The following CCDC88A variants were observed in gnomAD, a reference collection of about 807,000 sequenced individuals.
CCDC88A encodes coiled-coil and HOOK domain protein 88A, also known as girdin.
In CCDC88A, 54 loss-of-function variants were observed where a neutral mutation model predicts 234.3. The observed-to-expected ratio is 0.23, with a 90% CI of 0.19 to 0.29. CCDC88A has a LOEUF of 0.29. Ranked by LOEUF, CCDC88A falls within the 10% of genes least tolerant of loss-of-function variation. CCDC88A has a pLI of 1.00. For missense variants in CCDC88A, 1,832 were observed against 2,123.4 expected, an observed-to-expected ratio of 0.86 and a Z score of 2.70; for synonymous variants, 753 against 737.8, an observed-to-expected ratio of 1.02 and a Z score of -0.33.
chr2:55,298,188 A>G (rs1680422311), intron 29 of CCDC88A, among the ~76,000 whole-genome samples: 1 of 152,188 alleles, frequency 6.6e-6, no homozygotes, highest in Non-Finnish European at 1.5e-5. Flanking sequence ...GCAACTTTCC[A>G]TTGTTTCCCA....
chr2:55,304,030 G>A (rs1164580871), intron 25 of CCDC88A, among the ~76,000 whole-genome samples: 7 of 152,116 alleles, frequency 4.6e-5, no homozygotes, highest in Non-Finnish European at 1.0e-4. Flanking sequence ...TTAAGATTTC[G>A]AGGAATGGTA....
chr2:55,359,296 T>C (rs564650062), intron 7 of CCDC88A, among the ~76,000 whole-genome samples: 1 of 152,072 alleles, frequency 6.6e-6, no homozygotes, highest in East Asian at 1.9e-4. Context: ...TTGAACTTAG[T>C]AGGTGGTGAA....
intron 2 of CCDC88A, among the ~76,000 whole-genome samples, chr2:55,399,319 G>C (rs1306767375): frequency 6.6e-6 from 1 of 151,974 alleles, no homozygotes; most frequent in African/African-American, 2.4e-5. Flanking sequence ...GAGGTCAGGA[G>C]TTCAAGACCA....
At position 55,419,242 on chromosome 2, in the gene CCDC88A, CCA is replaced by C. The variant is rs1191026502; in HGVS notation, c.-165_-164del. ...GCACTCTCCCTCCTCAAAAAACACC[CCA>C]GAGTGAAACGAGCCGAAATCCCAAG... On this transcript the variant is annotated 5_prime_UTR_variant, in exon 1 of 33. The change abolishes the stop of an existing upstream ORF in the 5' untranslated region. Transcript: ENST00000436346. The C allele has an allele frequency of 1.7e-6, 1 of 596,370 alleles. No individual in the cohort carries two copies. 36.9% of individuals were successfully genotyped at this position (596,370 alleles called of 1,614,324 possible). A position where few individuals can be genotyped will look rare whatever the true frequency, so the allele number is the denominator to read the frequency against.
chr2:55,419,095 T>G lies in CCDC88A; in HGVS notation c.-16A>C. On this transcript the variant is annotated 5_prime_UTR_variant, in exon 1 of 33. Coordinates refer to ENST00000436346, the MANE Select transcript of CCDC88A (RefSeq NM_001365480.1). ...CGTTCTCCATTTTACAGAGTATGTA[T>G]TTGAAAAAAGGAACTACCACAAAAA... is the stretch of plus-strand genomic sequence containing the variant. The G allele has an allele frequency of 6.3e-7, 1 of 1,575,784 alleles. No homozygotes were observed. The highest frequency in any genetic ancestry group is 1.7e-4 in the Middle Eastern group (1 of 5,996).
intron 3 of CCDC88A, among the ~76,000 whole-genome samples, chr2:55,378,756 T>C (rs1338066050): frequency 1.4e-5 from 1 of 70,466 alleles, no homozygotes; most frequent in African/African-American, 4.7e-5. Flanking sequence ...TTTTTTTTTT[T>C]TTTTTTTGAG....
At chr2:55,403,342 G>A (rs1679037848) in intron 2 of CCDC88A, 2 of 152,172 alleles carry the variant, frequency 1.3e-5, no homozygotes, top group African/African-American at 4.8e-5. Flanking sequence ...AGAACATTAT[G>A]TATGGTTCCC....
At chr2:55,355,156 T>C (rs1670397442) in intron 8 of CCDC88A, among the ~76,000 whole-genome samples, 1 of 152,064 alleles carries the variant, frequency 6.6e-6, no homozygotes, top group East Asian at 1.9e-4. Context: ...TTTTTGTTAA[T>C]AGTATAATGC....
At chr2:55,406,792 A>G (rs967052909) in intron 2 of CCDC88A, among the ~76,000 whole-genome samples, 5 of 152,028 alleles carry the variant, frequency 3.3e-5, no homozygotes, top group African/African-American at 1.2e-4. Context: ...CTAGTATCCA[A>G]CATCTAAAAC....
intron 3 of CCDC88A, among the ~76,000 whole-genome samples, chr2:55,376,994 C>T (rs1673750535): frequency 1.3e-5 from 2 of 152,082 alleles, no homozygotes; most frequent in Non-Finnish European, 1.5e-5. Context: ...CCATGCCTGG[C>T]TAATTTTTTT....
chr2:55,330,735 T>C (rs1232387953), intron 16 of CCDC88A, among the ~76,000 whole-genome samples: 3 of 152,182 alleles, frequency 2.0e-5, no homozygotes, highest in African/African-American at 7.2e-5. Context: ...TGTAAATAAA[T>C]ATGTGGAAAT....
intron 17 of CCDC88A, 42 bp from the exon 18 acceptor site, chr2:55,322,734 C>A: frequency 9.2e-7 from 1 of 1,088,958 alleles, no homozygotes; most frequent in Non-Finnish European, 1.3e-6. Flanking sequence ...AGAAAAAAAT[C>A]ACCACAGTTA....
chr2:55,291,951 G>T, intron 31 of CCDC88A, 176 bp from the exon 32 acceptor site: 1 of 479,418 alleles, frequency 2.1e-6, no homozygotes, highest in Non-Finnish European at 3.7e-6. Context: ...ATATTTTAAA[G>T]CTATAAGTAA....
chr2:55,339,175 T>A (rs966135305), intron 13 of CCDC88A: 9 of 236,512 alleles, frequency 3.8e-5, no homozygotes, highest in Non-Finnish European at 5.6e-5. Context: ...GCTAGGCTGG[T>A]CACAAACTCC....
chr2:55,408,543 T>C (rs1036854096), intron 2 of CCDC88A, among the ~76,000 whole-genome samples: 4 of 152,096 alleles, frequency 2.6e-5, no homozygotes, highest in Admixed American at 1.3e-4. Flanking sequence ...CTGGTTGTCC[T>C]CACTGCTACA....
At chr2:55,340,378 C>T (rs569278961) in intron 12 of CCDC88A, 7 of 152,270 alleles carry the variant, frequency 4.6e-5, no homozygotes, top group Non-Finnish European at 1.0e-4. Context: ...CACGCACATC[C>T]AACATATCCC....
intron 2 of CCDC88A, among the ~76,000 whole-genome samples, chr2:55,409,930 G>A (rs1376507811): frequency 5.9e-5 from 9 of 151,594 alleles, no homozygotes; most frequent in African/African-American, 1.7e-4. Flanking sequence ...TATTAGAGAC[G>A]GGGTTTCACC....
intron 25 of CCDC88A, among the ~76,000 whole-genome samples, chr2:55,307,050 T>G (rs4484068): frequency 1.4e-5 from 2 of 147,836 alleles, no homozygotes; most frequent in South Asian, 2.1e-4. Context: ...TTCAAAAGAA[T>G]AGAATGTGTC....
chr2:55,372,069 C>T (rs1558761642), intron 5 of CCDC88A, among the ~76,000 whole-genome samples: 1 of 151,966 alleles, frequency 6.6e-6, no homozygotes, highest in Non-Finnish European at 1.5e-5. Flanking sequence ...AATTCTGCCT[C>T]CTCCCTTCCC....
Sources: allele counts gnomAD v4.1 joint callset (sites outside exome capture counted in the v4.1 genomes callset), GRCh38; gene constraint gnomAD v4.1.1; transcripts MANE v1.5; gene names NCBI Gene and HGNC (gene_info 2026-07-23, HGNC 2026-07-21).